C14orf132: variants seen among roughly 807,000 people sequenced by gnomAD.
The protein encoded by C14orf132 is uncharacterized protein C14orf132.
Under a neutral mutation model 5.8 loss-of-function variants are expected in C14orf132, and 6 were observed. The observed-to-expected ratio is 1.03, with a 90% confidence interval of 0.57 to 2.04. The LOEUF is 2.04. C14orf132 is among the 30% of genes most tolerant of loss of function. C14orf132 has a pLI of 0.00. For missense variants in C14orf132, 125 were observed against 115.8 expected (o/e 1.08, Z -0.37); for synonymous variants, 51 against 49.8 (o/e 1.02, Z -0.10).
At chr14:96,053,171 G>C (rs1254654771) in intron 1 of C14orf132, among the ~76,000 whole-genome samples, 1 of 152,154 alleles carries the variant, frequency 6.6e-6, no homozygotes, top group Non-Finnish European at 1.5e-5. Flanking sequence ...TAACATTCTT[G>C]CTTTTTAAAA....
intron 1 of C14orf132, among the ~76,000 whole-genome samples, chr14:96,077,761 TTC>T (rs1202078774): frequency 6.6e-6 from 1 of 152,214 alleles, no homozygotes; most frequent in African/African-American, 2.4e-5. Flanking sequence ...GGTCTGAAAA[TTC>T]TCTGTCACCT....
intron 1 of C14orf132, among the ~76,000 whole-genome samples, chr14:96,058,190 C>T (rs1003672307): frequency 1.3e-5 from 2 of 152,174 alleles, no homozygotes; most frequent in Non-Finnish European, 2.9e-5. Flanking sequence ...TCCCTGCCCG[C>T]ACTTCGTGAG....
At chr14:96,085,383 G>A (rs1888150857) in intron 1 of C14orf132, among the ~76,000 whole-genome samples, 1 of 152,198 alleles carries the variant, frequency 6.6e-6, no homozygotes, top group Non-Finnish European at 1.5e-5. Context: ...TGCATATTCT[G>A]CCTCTGGAGA....
At chr14:96,050,750 T>A (rs919752124) in intron 1 of C14orf132, among the ~76,000 whole-genome samples, 27 of 152,242 alleles carry the variant, frequency 1.8e-4, no homozygotes, top group African/African-American at 6.5e-4. Context: ...CCGGAGCACC[T>A]GTATGGCTCA....
chr14:96,039,585 C>T lies in C14orf132; in HGVS notation c.27+58C>T, dbSNP rs1308478787. On this transcript the variant is annotated intron_variant, in intron 1 of 1. Transcript: ENST00000555004. The surrounding 1 kb of genome is among the most constrained non-coding windows in gnomAD (Gnocchi z 5.3). The stretch of plus-strand genomic sequence containing the variant: ...CGCCAAGTTTGGGGAGGTTCGGGGC[C>T]ACGGTCTCGCCCTCCACGCTGGGGC... 3.4e-6 allele frequency: 5 copies of T among 1,463,394 alleles called. No individual in the cohort carries two copies. The highest frequency in any genetic ancestry group is 2.9e-5 in the African/African-American group (2 of 68,830). The allele number at this position is 1,463,394 out of a possible 1,614,324, so 90.7% of individuals were successfully genotyped here.
At chr14:96,086,484 G>A (rs1250655406) in intron 1 of C14orf132, 27 bp from the exon 2 acceptor site, 24 of 1,533,886 alleles carry the variant, frequency 1.6e-5, no homozygotes, top group Non-Finnish European at 2.1e-5. Flanking sequence ...CATGGCCCTG[G>A]ATAATTCTCT....
intron 1 of C14orf132, among the ~76,000 whole-genome samples, chr14:96,058,758 C>T (rs1189100027): frequency 2.6e-5 from 4 of 152,192 alleles, no homozygotes; most frequent in Non-Finnish European, 4.4e-5. Flanking sequence ...CCTGCCTGGC[C>T]CAGCTCTCCC....
At chr14:96,053,043 G>A (rs535116778) in intron 1 of C14orf132, among the ~76,000 whole-genome samples, 1 of 152,268 alleles carries the variant, frequency 6.6e-6, no homozygotes, top group African/African-American at 2.4e-5. Context: ...TTCAAGACAG[G>A]AGACTTCCAC....
At chr14:96,045,926 C>T (rs148565325) in intron 1 of C14orf132, among the ~76,000 whole-genome samples, 5 of 152,332 alleles carry the variant, frequency 3.3e-5, no homozygotes, top group South Asian at 4.1e-4. Context: ...AGGCTTCCAG[C>T]GTGTAGTTTC....
At chr14:96,054,938 C>G (rs565490662) in intron 1 of C14orf132, among the ~76,000 whole-genome samples, 1 of 152,210 alleles carries the variant, frequency 6.6e-6, no homozygotes, top group Non-Finnish European at 1.5e-5. Flanking sequence ...GAGGAGATCT[C>G]TCTTTCCTAA....
chr14:96,042,802 C>G (rs1886729190), intron 1 of C14orf132, among the ~76,000 whole-genome samples: 1 of 152,172 alleles, frequency 6.6e-6, no homozygotes, highest in East Asian at 1.9e-4. Context: ...CCCAGTTGCC[C>G]TCTCCCCTAC....
rs1888422041 is a variant in C14orf132 at position 96,091,985 on chromosome 14, A to T, written c.*5250A>T. 6.6e-6 allele frequency: 1 copy of T among 152,256 alleles called. No individual in the cohort carries two copies. The highest frequency in any genetic ancestry group is 1.5e-5 in the Non-Finnish European group (1 of 68,052). 9.4% of individuals were successfully genotyped at this position (152,256 alleles called of 1,614,324 possible). On this transcript the variant is annotated 3_prime_UTR_variant, in exon 2 of 2. Transcript: ENST00000555004. ...GGAAGAGGGAAAGTGACAAAGGACA[A>T]AACAATGCAAATCTTCATGACTGAA... is the stretch of plus-strand genomic sequence containing the variant.
chr14:96,074,642 A>G, intron 1 of C14orf132, among the ~76,000 whole-genome samples: 1 of 151,424 alleles, frequency 6.6e-6, no homozygotes, highest in East Asian at 1.9e-4. Context: ...ATTGTTGCAT[A>G]TTGACGTCCA....
chr14:96,079,974 T>C (rs1392077990), intron 1 of C14orf132, among the ~76,000 whole-genome samples: 2 of 152,216 alleles, frequency 1.3e-5, no homozygotes, highest in Non-Finnish European at 2.9e-5. Flanking sequence ...CTGTGTGATA[T>C]GTGGGATATA....
chr14:96,064,361 T>TACACACACACACACAC (rs755164695), intron 1 of C14orf132, among the ~76,000 whole-genome samples: 43 of 97,864 alleles, frequency 4.4e-4, no homozygotes, highest in Admixed American at 9.5e-4. Flanking sequence ...AGGGTGCATA[T>TACACACACACACACAC]ATACACACAC....
intron 1 of C14orf132, among the ~76,000 whole-genome samples, chr14:96,072,489 GC>G (rs1887744278): frequency 6.6e-6 from 1 of 152,182 alleles, no homozygotes; most frequent in Non-Finnish European, 1.5e-5. Flanking sequence ...TCCCAGGTGT[GC>G]TTTTGATTTA....
At chr14:96,057,050 A>G (rs1887205725) in intron 1 of C14orf132, among the ~76,000 whole-genome samples, 1 of 152,216 alleles carries the variant, frequency 6.6e-6, no homozygotes. Context: ...AATGGGGCTC[A>G]CAGGCACACC....
chr14:96,085,590 G>A (rs1044710963), intron 1 of C14orf132, among the ~76,000 whole-genome samples: 1 of 152,228 alleles, frequency 6.6e-6, no homozygotes, highest in Non-Finnish European at 1.5e-5. Context: ...CGTGTGCAGT[G>A]ATGTGCGGCG....
intron 1 of C14orf132, among the ~76,000 whole-genome samples, chr14:96,055,543 G>A (rs1027760591): frequency 1.2e-4 from 19 of 152,256 alleles, no homozygotes; most frequent in African/African-American, 4.3e-4. Context: ...CACAAATGCC[G>A]CTGCGTACAT....
Sources: allele counts gnomAD v4.1 joint callset (sites outside exome capture counted in the v4.1 genomes callset), GRCh38; gene constraint gnomAD v4.1.1; non-coding constraint Gnocchi (gnomAD v3.1); transcripts MANE v1.5; gene names NCBI Gene and HGNC (gene_info 2026-07-23, HGNC 2026-07-21).